Variants in RBFOX1 observed in about 807,000 individuals in gnomAD.
The protein encoded by RBFOX1 is RNA binding fox-1 homolog 1, also known as RNA binding protein fox-1 homolog 1.
In RBFOX1, 8 loss-of-function variants were observed where a neutral mutation model predicts 57.7. That is an observed-to-expected ratio of 0.14 (90% CI 0.08 to 0.25). RBFOX1 has a LOEUF of 0.25. RBFOX1 is among the 10% of genes least tolerant of loss of function. The pLI, the probability that RBFOX1 is intolerant of heterozygous loss-of-function variation, is 1.00. For missense variants in RBFOX1, 611 were observed against 548.5 expected, an observed-to-expected ratio of 1.11 and a Z score of -1.14; for synonymous variants, 326 against 222.4, an observed-to-expected ratio of 1.47 and a Z score of -4.15.
intron 5 of RBFOX1, among the ~76,000 whole-genome samples, chr16:7,567,710 CTATATA>C (rs148307703): frequency 3.0e-5 from 4 of 133,868 alleles, no homozygotes; most frequent in African/African-American, 1.1e-4. Context: ...TATATAATCC[CTATATA>C]TATATATCCC....
intron 14 of RBFOX1, among the ~76,000 whole-genome samples, chr16:7,701,066 G>T (rs777859623): frequency 8.5e-5 from 13 of 152,170 alleles, no homozygotes; most frequent in Non-Finnish European, 1.9e-4. Context: ...CTTCTCAGGG[G>T]AGGCAGGGAA....
chr16:7,574,790 T>A (rs1306053500), intron 5 of RBFOX1, among the ~76,000 whole-genome samples: 1 of 152,210 alleles, frequency 6.6e-6, no homozygotes, highest in East Asian at 1.9e-4. Flanking sequence ...TGACACTCAG[T>A]GTTAACCGTC....
chr16:6,127,284 TAAA>T (rs1277656888), intron 1 of RBFOX1, among the ~76,000 whole-genome samples: 29 of 145,846 alleles, frequency 2.0e-4, no homozygotes, highest in South Asian at 6.5e-4. Flanking sequence ...TCTCTTTTTT[TAAA>T]AAAAAAAAAA....
In RBFOX1 at chr16:6,055,240, C is replaced by G. The variant is rs143435506; in HGVS notation, c.-127+35248C>G. On this transcript the variant is annotated intron_variant, in intron 1 of 15. Coordinates refer to ENST00000550418, the MANE Select transcript of RBFOX1 (RefSeq NM_018723.4). Reference sequence around the variant, plus strand: ...TTTCTCATTAAACGAGTCATCTGTTCTTCTTTCAATGCACTTGTGTCAAGT... The same window carrying G: ...TTTCTCATTAAACGAGTCATCTGTTGTTCTTTCAATGCACTTGTGTCAAGT... 8.5e-3 allele frequency among the ~76,000 whole-genome samples: 1,300 copies of G among 152,148 alleles called. 11 individuals carry two copies. Among genetic ancestry groups the G allele is most frequent in the Middle Eastern group, 0.034 (10 of 294 alleles).
intron 1 of RBFOX1, among the ~76,000 whole-genome samples, chr16:6,106,496 T>C (rs1436687661): frequency 6.7e-6 from 1 of 148,536 alleles, no homozygotes; most frequent in African/African-American, 2.5e-5. Flanking sequence ...GGTAGTTCCA[T>C]GCTCTTATAA....
intron 1 of RBFOX1, among the ~76,000 whole-genome samples, chr16:6,052,681 G>T (rs1596728143): frequency 2.0e-5 from 3 of 152,070 alleles, no homozygotes; most frequent in African/African-American, 7.2e-5. Flanking sequence ...CTACTCGGGA[G>T]GCTGAGGCAG....
At chr16:5,711,544 A>G (rs2051487821) in intron 3 of RBFOX1, among the ~76,000 whole-genome samples, 1 of 152,214 alleles carries the variant, frequency 6.6e-6, no homozygotes, top group African/African-American at 2.4e-5. Context: ...AACGAAATAA[A>G]GAGCATTAGG....
At chr16:7,334,819 C>G (rs1182991410) in intron 4 of RBFOX1, among the ~76,000 whole-genome samples, 1 of 152,156 alleles carries the variant, frequency 6.6e-6, no homozygotes, top group Non-Finnish European at 1.5e-5. Flanking sequence ...AGAAACATAG[C>G]CAGTTATTTT....
intron 2 of RBFOX1, among the ~76,000 whole-genome samples, chr16:5,505,809 C>G (rs2043358621): frequency 6.6e-6 from 1 of 152,110 alleles, no homozygotes; most frequent in South Asian, 2.1e-4. Context: ...TGGCAGCTGT[C>G]TGGTACCTTC....
chr16:7,621,678 C>T (rs80258490), intron 10 of RBFOX1, among the ~76,000 whole-genome samples: 3,669 of 152,266 alleles, frequency 0.024, 145 homozygotes, highest in African/African-American at 0.084. Flanking sequence ...AATTTTTTGG[C>T]AAGTATTGAT....
At chr16:6,718,185 G>T (rs1409158086) in intron 3 of RBFOX1, among the ~76,000 whole-genome samples, 2 of 152,168 alleles carry the variant, frequency 1.3e-5, no homozygotes, top group African/African-American at 2.4e-5. Flanking sequence ...TGTCTCATCA[G>T]TAGAAACTCA....
chr16:5,500,960 T>A (rs537179858), intron 2 of RBFOX1, among the ~76,000 whole-genome samples: 6 of 152,134 alleles, frequency 3.9e-5, no homozygotes, highest in Non-Finnish European at 7.3e-5. Context: ...TGCCTCTTCA[T>A]GGGCAGGCAT....
intron 1 of RBFOX1, among the ~76,000 whole-genome samples, chr16:5,459,730 C>A (rs145192336): frequency 1.3e-5 from 2 of 152,208 alleles, no homozygotes; most frequent in South Asian, 2.1e-4. Context: ...CACACATGCA[C>A]GCACACACAC....
At chr16:7,085,814 C>A (rs1477373319) in intron 4 of RBFOX1, among the ~76,000 whole-genome samples, 1 of 152,152 alleles carries the variant, frequency 6.6e-6, no homozygotes, top group Non-Finnish European at 1.5e-5. Context: ...AGCAATCAAT[C>A]CTGGTTTGTT....
chr16:6,854,853 C>G (rs1262783542), intron 3 of RBFOX1, among the ~76,000 whole-genome samples: 7 of 152,020 alleles, frequency 4.6e-5, no homozygotes, highest in Non-Finnish European at 8.8e-5. Context: ...CTCGGCCTCC[C>G]AAAGTGCTGG....
intron 1 of RBFOX1, among the ~76,000 whole-genome samples, chr16:6,259,323 C>T (rs900033254): frequency 1.3e-5 from 2 of 152,118 alleles, no homozygotes; most frequent in East Asian, 3.9e-4. Flanking sequence ...CTCCTCTCCT[C>T]TCTAGCCGTT....
intron 2 of RBFOX1, among the ~76,000 whole-genome samples, chr16:6,470,505 A>G (rs142275796): frequency 7.9e-5 from 12 of 152,282 alleles, no homozygotes; most frequent in East Asian, 3.9e-4. Context: ...CAGTCTTTCT[A>G]TTCTTCCAAG....
intron 2 of RBFOX1, among the ~76,000 whole-genome samples, chr16:6,533,286 G>T (rs2096685974): frequency 6.6e-6 from 1 of 152,174 alleles, no homozygotes; most frequent in Non-Finnish European, 1.5e-5. Flanking sequence ...AATTTGATTT[G>T]AATGCTTTTG....
intron 4 of RBFOX1, among the ~76,000 whole-genome samples, chr16:7,352,923 C>G (rs1472836494): frequency 2.6e-5 from 4 of 152,050 alleles, no homozygotes; most frequent in African/African-American, 7.2e-5. Context: ...ACCATGTTGC[C>G]TACGCTGGTA....
Sources: gnomAD v4.1 joint callset for allele counts (sites outside exome capture counted in the v4.1 genomes callset) on GRCh38, gnomAD v4.1.1 for gene constraint, MANE v1.5 for transcripts, NCBI Gene and HGNC (gene_info 2026-07-23, HGNC 2026-07-21) for gene names.